The following FAM210A variants were observed in gnomAD, a reference collection of about 807,000 sequenced individuals.
FAM210A encodes the protein family with sequence similarity 210 member A.
Under a neutral mutation model 25.3 loss-of-function variants are expected in FAM210A, and 13 were observed. The observed-to-expected ratio is 0.51, with a 90% CI of 0.33 to 0.82. The LOEUF (loss-of-function observed/expected upper bound fraction) is 0.82, where lower values mean the gene tolerates loss of function less well. Ranked by LOEUF, FAM210A falls within the 40% of genes least tolerant of loss-of-function variation. The probability of loss-of-function intolerance (pLI) is 0.02; values close to 1 mark genes in which losing one functional copy is unlikely to be tolerated. For synonymous variants in FAM210A, 125 were observed against 118.7 expected (o/e 1.05, Z -0.35); for missense variants, 319 against 323.2 (o/e 0.99, Z 0.10).
intron 1 of FAM210A, among the ~76,000 whole-genome samples, chr18:13,691,979 C>T (rs1056492279): frequency 1.1e-4 from 15 of 135,802 alleles, no homozygotes; most frequent in African/African-American, 4.2e-4. Context: ...AGAGTCAAGA[C>T]CCATCAGTGT....
intron 2 of FAM210A, among the ~76,000 whole-genome samples, chr18:13,678,360 T>C (rs1004490393): frequency 6.8e-6 from 1 of 147,332 alleles, no homozygotes; most frequent in Non-Finnish European, 1.5e-5. Flanking sequence ...AACCTCTGCC[T>C]CCTGGGTTCA....
chr18:13,722,765 G>A (rs572541501), intron 1 of FAM210A, among the ~76,000 whole-genome samples: 1 of 152,250 alleles, frequency 6.6e-6, no homozygotes, highest in African/African-American at 2.4e-5. Context: ...GGTTTCTTTA[G>A]GGCAGACACA....
chr18:13,666,603 C>CA lies in FAM210A; in HGVS notation c.695dup (p.Gln233AlafsTer21). ...CCTTTGTCTCTTCCATCCTGTCCTGCAGATACTCCTTGACGGGTGGCGGCG... is the reference window on the plus strand; with the variant it reads ...CCTTTGTCTCTTCCATCCTGTCCTGCAAGATACTCCTTGACGGGTGGCGGCG... On this transcript the variant is annotated frameshift_variant, in exon 4 of 4. Coordinates refer to ENST00000651643, the MANE Select transcript of FAM210A (RefSeq NM_152352.4). LOFTEE classifies it high-confidence loss of function. 6.2e-7 allele frequency: 1 copy of CA among 1,614,154 alleles called. No individual in the cohort carries two copies. The highest frequency in any genetic ancestry group is 8.5e-7 in the Non-Finnish European group (1 of 1,180,034).
At position 13,673,736 on chromosome 18, in the gene FAM210A, T is replaced by C. The variant is rs554986788; in HGVS notation, c.474-1763A>G. On this transcript the variant is annotated intron_variant, in intron 2 of 3. Transcript: ENST00000651643. ...TTATTAACATTCCTGAGCCCCGACTTATTTCCAGTTCCCTGATTATTAACA... is the reference window on the plus strand; with the variant it reads ...TTATTAACATTCCTGAGCCCCGACTCATTTCCAGTTCCCTGATTATTAACA... 1.0e-4 allele frequency among the ~76,000 whole-genome samples: 15 copies of C among 149,408 alleles called. No homozygotes were observed. The South Asian group carries it at 3.0e-3, about 30-fold the overall frequency.
At chr18:13,718,075 T>C (rs529233261) in intron 1 of FAM210A, among the ~76,000 whole-genome samples, 1 of 152,150 alleles carries the variant, frequency 6.6e-6, no homozygotes, top group Admixed American at 6.5e-5. Context: ...AACCTCCAGA[T>C]GAGAATGCAG....
intron 2 of FAM210A, among the ~76,000 whole-genome samples, chr18:13,677,265 AG>A (rs1273801378): frequency 6.6e-6 from 1 of 152,040 alleles, no homozygotes; most frequent in Non-Finnish European, 1.5e-5. Flanking sequence ...TAGTAGAGAC[AG>A]GGTTTCACCA....
chr18:13,683,360 G>A (rs1211281017), intron 1 of FAM210A, among the ~76,000 whole-genome samples: 2 of 152,132 alleles, frequency 1.3e-5, no homozygotes, highest in East Asian at 1.9e-4. Flanking sequence ...GAAAAAAAGT[G>A]TAGAGTGATG....
chr18:13,674,628 C>A (rs1401875301), intron 2 of FAM210A, among the ~76,000 whole-genome samples: 1 of 12,924 alleles, frequency 7.7e-5, no homozygotes, highest in Non-Finnish European at 1.8e-4. Flanking sequence ...TGAGCCCTAG[C>A]TTCTTGATTT....
chr18:13,671,589 T>C (rs1472646438), intron 3 of FAM210A, among the ~76,000 whole-genome samples: 1 of 151,290 alleles, frequency 6.6e-6, no homozygotes, highest in Non-Finnish European at 1.5e-5. Flanking sequence ...CTCGGGAGGC[T>C]GAGGTAGGAG....
At chr18:13,709,397 A>T (rs753877864) in intron 1 of FAM210A, among the ~76,000 whole-genome samples, 88 of 152,180 alleles carry the variant, frequency 5.8e-4, no homozygotes, top group Non-Finnish European at 1.2e-3. Context: ...GCCTGCTTTA[A>T]GACTTTTTGC....
At chr18:13,670,097 T>G (rs1249431341) in intron 3 of FAM210A, among the ~76,000 whole-genome samples, 3 of 152,138 alleles carry the variant, frequency 2.0e-5, no homozygotes, top group Non-Finnish European at 4.4e-5. Flanking sequence ...GAGCATTTTA[T>G]TCACCTACAG....
intron 1 of FAM210A, among the ~76,000 whole-genome samples, chr18:13,708,298 G>A (rs575116015): frequency 3.3e-5 from 5 of 152,352 alleles, no homozygotes; most frequent in African/African-American, 1.2e-4. Context: ...GTGTCTGGAT[G>A]TCCATGCCCT....
intron 3 of FAM210A, 75 bp from the exon 4 acceptor site, chr18:13,666,788 T>A: frequency 7.4e-7 from 1 of 1,357,282 alleles, no homozygotes; most frequent in South Asian, 1.3e-5. Context: ...AAGTTAAAAT[T>A]AAAATTCTTG....
intron 1 of FAM210A, among the ~76,000 whole-genome samples, chr18:13,714,200 A>G (rs10502423): frequency 0.25 from 38,593 of 152,158 alleles, 5,616 homozygotes; most frequent in Non-Finnish European, 0.34. Context: ...ATAAACGGGT[A>G]ATTAAATATT....
At chr18:13,690,034 T>G (rs116713313) in intron 1 of FAM210A, among the ~76,000 whole-genome samples, 3 of 152,134 alleles carry the variant, frequency 2.0e-5, no homozygotes, top group African/African-American at 7.2e-5. Context: ...AGACGGTACG[T>G]GGAAAATCGG....
At chr18:13,673,604 C>CTTCT (rs1419281460) in intron 2 of FAM210A, among the ~76,000 whole-genome samples, 4 of 148,458 alleles carry the variant, frequency 2.7e-5, no homozygotes, top group African/African-American at 1.0e-4. Context: ...TGAGCCGTGA[C>CTTCT]TTATTTCCAG....
chr18:13,708,538 G>A (rs2043797712), intron 1 of FAM210A, among the ~76,000 whole-genome samples: 1 of 152,178 alleles, frequency 6.6e-6, no homozygotes, highest in Non-Finnish European at 1.5e-5. Flanking sequence ...AGCATAACCT[G>A]TTACGGGGAT....
chr18:13,721,268 T>C (rs1284199), intron 1 of FAM210A, among the ~76,000 whole-genome samples: 6,964 of 152,224 alleles, frequency 0.046, 536 homozygotes, highest in African/African-American at 0.16. Flanking sequence ...TACTAACAGA[T>C]ACTAAGACAA....
At chr18:13,723,537 G>A (rs2149073005) in intron 1 of FAM210A, among the ~76,000 whole-genome samples, 1 of 152,312 alleles carries the variant, frequency 6.6e-6, no homozygotes, top group Non-Finnish European at 1.5e-5. Context: ...CAGTCTTGAG[G>A]AAAATACTGT....
Sources: allele counts gnomAD v4.1 joint callset (sites outside exome capture counted in the v4.1 genomes callset), GRCh38; gene constraint gnomAD v4.1.1; transcripts MANE v1.5; gene names NCBI Gene and HGNC (gene_info 2026-07-23, HGNC 2026-07-21).